The following CALU variants were observed in gnomAD, a reference collection of about 807,000 sequenced individuals.
CALU encodes the protein calumenin.
CALU carries 13 observed loss-of-function variants against 37.5 expected under a neutral mutation model. The ratio of observed to expected loss-of-function variants is 0.35; its 90% CI spans 0.23 to 0.55. The LOEUF is 0.55. Ranked by LOEUF, CALU falls within the 20% of genes least tolerant of loss-of-function variation. The pLI is 0.89. For missense variants in CALU, 282 were observed against 391.7 expected (o/e 0.72, Z 2.36); for synonymous variants, 114 against 133.8 (o/e 0.85, Z 1.02).
At chr7:128,758,102 A>G (rs56341100) in intron 3 of CALU, among the ~76,000 whole-genome samples, 13,134 of 151,860 alleles carry the variant, frequency 0.086, 801 homozygotes, top group African/African-American at 0.16. Flanking sequence ...CATTCTCGCC[A>G]TTCCCCCGTC....
At chr7:128,746,690 G>T (rs1800453931) in intron 1 of CALU, among the ~76,000 whole-genome samples, 1 of 151,384 alleles carries the variant, frequency 6.6e-6, no homozygotes, top group African/African-American at 2.4e-5. Context: ...GGATGCAAGT[G>T]ATCCGCCTGC....
chr7:128,756,590 A>G (rs987825847), intron 3 of CALU, among the ~76,000 whole-genome samples: 1 of 152,208 alleles, frequency 6.6e-6, no homozygotes. Context: ...TGAATCCGCT[A>G]TCCATGAGAG....
At position 128,759,743 on chromosome 7, in the gene CALU, C is replaced by T. The variant is rs767643487; in HGVS notation, c.583-49C>T. Reference sequence around the variant, plus strand: ...AACTAGATACTTTACTTTCTTCTGGCAAATTCAGAGACCAACTTAATAGTC... The same window carrying T: ...AACTAGATACTTTACTTTCTTCTGGTAAATTCAGAGACCAACTTAATAGTC... On this transcript the variant is annotated intron_variant, in intron 4 of 6. Transcript: ENST00000249364. The T allele has an allele frequency of 7.5e-6, 7 of 936,236 alleles. No individual in the cohort carries two copies. In the East Asian group the frequency reaches 1.7e-4, roughly 23 times the overall value. 58.0% of individuals were successfully genotyped at this position (936,236 alleles called of 1,614,324 possible).
rs1192475420 is a variant in CALU at position 128,772,259 on chromosome 7, G to C, written c.*3092G>C. The stretch of plus-strand genomic sequence containing the variant: ...TTCCTTTTTGGTTGCCTTGTATGTA[G>C]AAATCAGTTCTCCAAGTGCTGTGAA... On this transcript the variant is annotated 3_prime_UTR_variant, in exon 7 of 7. Transcript: ENST00000249364. 6.6e-6 allele frequency among the ~76,000 whole-genome samples: 1 copy of C among 152,018 alleles called. No individual in the cohort carries two copies. Among genetic ancestry groups the C allele is most frequent in the Non-Finnish European group, 1.5e-5 (1 of 68,006 alleles).
chr7:128,767,511 G>A lies in CALU; in HGVS notation c.699G>A (p.Glu233=). The change falls in exon 6 of 7, where the codon GAG becomes GAA. Residue 233 remains glutamate (E), a synonymous_variant. Coordinates refer to ENST00000249364, the MANE Select transcript of CALU (RefSeq NM_001219.5). The part of the protein sequence containing the change: ...NTDEPEWVKT[E]REQFVEFRDK... ...ATGAGCCAGAATGGGTAAAGACAGA[G>A]CGAGAGCAGTTTGTTGAGTTTCGGG... 1.2e-6 allele frequency: 2 copies of A among 1,614,174 alleles called. No homozygotes were observed. Among genetic ancestry groups the A allele is most frequent in the Non-Finnish European group, 1.7e-6 (2 of 1,179,986 alleles).
chr7:128,746,156 T>C (rs1382707983), intron 1 of CALU, among the ~76,000 whole-genome samples: 1 of 147,122 alleles, frequency 6.8e-6, no homozygotes, highest in Non-Finnish European at 1.5e-5. Flanking sequence ...ATCTCGTTCT[T>C]TTTTTTTTTT....
chr7:128,752,575 C>G (rs1388313249), intron 2 of CALU, among the ~76,000 whole-genome samples: 1 of 152,138 alleles, frequency 6.6e-6, no homozygotes, highest in Non-Finnish European at 1.5e-5. Flanking sequence ...TAGAACTTTT[C>G]AATATTGGTA....
At chr7:128,754,755 G>C in intron 3 of CALU, 1 of 1,411,340 alleles carries the variant, frequency 7.1e-7, no homozygotes, top group Non-Finnish European at 9.6e-7. Context: ...GGCAGGGACC[G>C]TGGTCTTGAG....
intron 1 of CALU, chr7:128,748,018 G>A (rs1046346168): frequency 1.5e-5 from 3 of 199,920 alleles, no homozygotes; most frequent in African/African-American, 7.0e-5. Context: ...GACCAAGGAA[G>A]CTGCCAAGTA....
chr7:128,760,771 A>G (rs575123302), intron 5 of CALU, among the ~76,000 whole-genome samples: 18 of 152,256 alleles, frequency 1.2e-4, no homozygotes, highest in African/African-American at 3.8e-4. Context: ...AGCCGGGTGT[A>G]GTGGCAGGCG....
chr7:128,741,749 A>G (rs1800250177), intron 1 of CALU, among the ~76,000 whole-genome samples: 1 of 152,222 alleles, frequency 6.6e-6, no homozygotes, highest in Non-Finnish European at 1.5e-5. Context: ...ACTAGAAACC[A>G]AGGCTCCTAT....
At position 128,771,444 on chromosome 7, in the gene CALU, A is replaced by C. The variant is rs979754256; in HGVS notation, c.*2277A>C. On this transcript the variant is annotated 3_prime_UTR_variant, in exon 7 of 7. Transcript: ENST00000249364. ...TATTCTGCAATGCGAACAGGTACCT[A>C]TCTGTTTCTAAATAAAACTGTTTAC... is the stretch of plus-strand genomic sequence containing the variant. 4 of 152,652 alleles carry C rather than the reference A, an allele frequency of 2.6e-5. No homozygotes were observed. Among genetic ancestry groups the C allele is most frequent in the Non-Finnish European group, 5.9e-5 (4 of 68,044 alleles). The allele number at this position is 152,652 out of a possible 1,614,324, so 9.5% of individuals were successfully genotyped here. A position where few individuals can be genotyped will look rare whatever the true frequency, so the allele number is the denominator to read the frequency against.
At chr7:128,747,650 T>C (rs1298435501) in intron 1 of CALU, 4 of 152,136 alleles carry the variant, frequency 2.6e-5, no homozygotes, top group African/African-American at 7.2e-5. Context: ...TTTTTTTTTT[T>C]CCCTCTAAGA....
In CALU at chr7:128,772,926, C is replaced by T. The variant is rs1332252487; in HGVS notation, c.*3759C>T. ...CCATCCTGCTTCATAAAAGCACTGTCAGCAGAGGCCCCTCCATTACTAGCA... is the reference window on the plus strand; with the variant it reads ...CCATCCTGCTTCATAAAAGCACTGTTAGCAGAGGCCCCTCCATTACTAGCA... On this transcript the variant is annotated 3_prime_UTR_variant, in exon 7 of 7. Coordinates refer to ENST00000249364, the MANE Select transcript of CALU (RefSeq NM_001219.5). 6.6e-6 allele frequency among the ~76,000 whole-genome samples: 1 copy of T among 152,224 alleles called. No individual in the cohort carries two copies. Among genetic ancestry groups the T allele is most frequent in the Admixed American group, 6.5e-5 (1 of 15,288 alleles).
At chr7:128,755,549 T>C (rs1800850135) in intron 3 of CALU, among the ~76,000 whole-genome samples, 1 of 152,192 alleles carries the variant, frequency 6.6e-6, no homozygotes, top group African/African-American at 2.4e-5. Flanking sequence ...TTCCCATTTG[T>C]TTTCTCTGGC....
chr7:128,768,684 C>T (rs1312481449), intron 6 of CALU, among the ~76,000 whole-genome samples: 1 of 151,752 alleles, frequency 6.6e-6, no homozygotes, highest in African/African-American at 2.4e-5. Context: ...ACTAAAAATA[C>T]AAAATTACCT....
chr7:128,761,592 C>T (rs1245302810), intron 5 of CALU: 1 of 152,150 alleles, frequency 6.6e-6, no homozygotes, highest in Non-Finnish European at 1.5e-5. Context: ...AGCGAGACTC[C>T]ATCTCTTTAG....
intron 5 of CALU, among the ~76,000 whole-genome samples, 197 bp downstream of exon 5, chr7:128,760,049 T>C (rs1393817819): frequency 1.3e-5 from 2 of 152,088 alleles, no homozygotes; most frequent in African/African-American, 4.8e-5. Flanking sequence ...TACAAAAAAA[T>C]TAGTTGGGTG....
chr7:128,746,434 A>C (rs1427388187), intron 1 of CALU, among the ~76,000 whole-genome samples: 1 of 152,108 alleles, frequency 6.6e-6, no homozygotes, highest in Non-Finnish European at 1.5e-5. Context: ...CTGGGATTAC[A>C]GGCATGAGCC....
Sources: gnomAD v4.1 joint callset for allele counts (sites outside exome capture counted in the v4.1 genomes callset) on GRCh38, gnomAD v4.1.1 for gene constraint, MANE v1.5 for transcripts, NCBI Gene and HGNC (gene_info 2026-07-23, HGNC 2026-07-21) for gene names.